PHRF1: variants seen among roughly 807,000 people sequenced by gnomAD.
The protein encoded by PHRF1 is PHD and ring finger domains 1, also known as PHD and RING finger domain-containing protein 1.
Under a neutral mutation model 128.9 loss-of-function variants are expected in PHRF1, and 53 were observed. That is an observed-to-expected ratio of 0.41 (90% confidence interval 0.33 to 0.52). The LOEUF is 0.52. Ranked by LOEUF, PHRF1 falls within the 20% of genes least tolerant of loss-of-function variation. The pLI is 0.21. For synonymous variants in PHRF1, 1,178 were observed against 980.6 expected, an observed-to-expected ratio of 1.20 and a Z score of -3.76; for missense variants, 2,503 against 2,284.5, an observed-to-expected ratio of 1.10 and a Z score of -1.95.
chr11:597,604 C>A lies in PHRF1; in HGVS notation c.894+34C>A, dbSNP rs764473378. The A allele has an allele frequency of 1.9e-5, 30 of 1,584,208 alleles. No individual in the cohort carries two copies. Among genetic ancestry groups the A allele is most frequent in the Non-Finnish European group, 2.6e-5 (30 of 1,166,958 alleles). On this transcript the variant is annotated intron_variant, in intron 8 of 17. Transcript: ENST00000264555. The surrounding 1 kb of genome is among the most constrained non-coding windows in gnomAD (Gnocchi z 6.5). ...CCCAGCCCTGACGCCAGTCGTAGAA[C>A]CCCAGCTGCCCAGAGTGATCTCGGC... is the stretch of plus-strand genomic sequence containing the variant.
At chr11:578,346 G>T (rs1489777877) in intron 1 of PHRF1, among the ~76,000 whole-genome samples, 1 of 152,226 alleles carries the variant, frequency 6.6e-6, no homozygotes, top group African/African-American at 2.4e-5. Flanking sequence ...TGCTGCTGTG[G>T]TGGAGGAGTG....
rs2133069714 is a variant in PHRF1 at position 607,468 on chromosome 11, C to T, written c.2012C>T (p.Pro671Leu). 1.2e-6 allele frequency: 2 copies of T among 1,612,810 alleles called. No individual in the cohort carries two copies. Among genetic ancestry groups the T allele is most frequent in the Non-Finnish European group, 8.5e-7 (1 of 1,179,872 alleles). Residue 671 changes from proline to leucine, a missense_variant, in exon 14 of 18, where the codon CCC becomes CTC. Pro to Leu is a moderately conservative substitution (Grantham distance 98). Coordinates refer to ENST00000264555, the MANE Select transcript of PHRF1 (RefSeq NM_001286581.2). ...VVPGPPLKPA[P>L]RRTDISELPR... ...CCGGGGCCTCCCCTGAAGCCAGCGC[C>T]CAGAAGAACAGACATCTCTGAGCTA... is the stretch of plus-strand genomic sequence containing the variant.
At chr11:599,558 C>T (rs1025127476) in intron 9 of PHRF1, among the ~76,000 whole-genome samples, 25 of 152,024 alleles carry the variant, frequency 1.6e-4, no homozygotes, top group African/African-American at 9.7e-5. Context: ...TGGCCTGAAG[C>T]GTACGTGCTT....
rs373913435 is a variant in PHRF1, at chr11:608,811, C to G, written c.3355C>G (p.Arg1119Gly). Residue 1119 changes from arginine to glycine, a missense_variant, in exon 14 of 18, where the codon CGG becomes GGG. Physicochemically the swap from Arg to Gly is moderately radical, Grantham distance 125. Coordinates refer to ENST00000264555, the MANE Select transcript of PHRF1 (RefSeq NM_001286581.2). ...GAAAAGGAGATCAGCGTCCAGACCT[C>G]GGGGAAGGGAGTGCTCCCCCACCAG... ...KKKRRSASRP[R>G]GRECSPTSSL... The G allele has an allele frequency of 6.2e-7, 1 of 1,611,968 alleles. No homozygotes were observed.
At position 608,403 on chromosome 11, in the gene PHRF1, A is replaced by G. The variant is rs975029968; in HGVS notation, c.2947A>G (p.Arg983Gly). 2 of 1,611,566 alleles carry G rather than the reference A, an allele frequency of 1.2e-6. No individual in the cohort carries two copies. Among genetic ancestry groups the G allele is most frequent in the East Asian group, 2.2e-5 (1 of 44,854 alleles). ...SPDVLQAATH[R>G]VVELRPPSRS... ...GGACGTGCTGCAGGCTGCCACCCAC[A>G]GAGTCGTGGAGCTCAGGCCCCCTTC... Residue 983 changes from arginine to glycine, a missense_variant, in exon 14 of 18, where the codon AGA (arginine) becomes GGA (glycine). Transcript: ENST00000264555.
rs1589902509 is a variant in PHRF1, at chr11:608,385, C to A, written c.2929C>A (p.Leu977Met). Residue 977 changes from leucine (L) to methionine (M), a missense_variant, in exon 14 of 18, where the codon CTG (leucine) becomes ATG (methionine). Physicochemically the swap from Leu to Met is conservative, Grantham distance 15. Coordinates refer to ENST00000264555, the MANE Select transcript of PHRF1 (RefSeq NM_001286581.2). ...GGAAGCCCCACCCAGCCCGGACGTGCTGCAGGCTGCCACCCACAGAGTCGT... is the reference window on the plus strand; with the variant it reads ...GGAAGCCCCACCCAGCCCGGACGTGATGCAGGCTGCCACCCACAGAGTCGT... ...EPEAPPSPDVLQAATHRVVEL... is the reference protein window; with the variant it reads ...EPEAPPSPDVMQAATHRVVEL... 1.2e-6 allele frequency: 2 copies of A among 1,611,610 alleles called. No homozygotes were observed. Among genetic ancestry groups the A allele is most frequent in the South Asian group, 1.1e-5 (1 of 90,962 alleles).
rs1162130055 is a variant in PHRF1 at position 607,474 on chromosome 11, G to A, written c.2018G>A (p.Arg673Lys). The part of the protein sequence containing the change: ...PGPPLKPAPR[R>K]TDISELPRIP... ...CCTCCCCTGAAGCCAGCGCCCAGAAGAACAGACATCTCTGAGCTACCCAGG... is the reference window on the plus strand; with the variant it reads ...CCTCCCCTGAAGCCAGCGCCCAGAAAAACAGACATCTCTGAGCTACCCAGG... The change falls in exon 14 of 18, where the codon AGA becomes AAA. Residue 673 changes from arginine to lysine, a missense_variant. Arg to Lys is a conservative substitution (Grantham distance 26). Coordinates refer to ENST00000264555, the MANE Select transcript of PHRF1 (RefSeq NM_001286581.2). 3.1e-6 allele frequency: 5 copies of A among 1,612,868 alleles called. No individual in the cohort carries two copies. The highest frequency in any genetic ancestry group is 4.2e-6 in the Non-Finnish European group (5 of 1,179,882).
intron 6 of PHRF1, 85 bp downstream of exon 6, chr11:592,759 T>A: frequency 7.0e-7 from 1 of 1,436,872 alleles, no homozygotes. Flanking sequence ...CTCTTCGCTC[T>A]GTGAAGTCTG....
In PHRF1 at chr11:607,231, CCGCCCG is replaced by C. The variant is rs770373733; in HGVS notation, c.1777_1782del (p.Ala593_Arg594del). 1 of 1,612,352 alleles carries C rather than the reference CCGCCCG, an allele frequency of 6.2e-7. No homozygotes were observed. The highest frequency in any genetic ancestry group is 1.1e-5 in the South Asian group (1 of 91,062). On this transcript the variant is annotated inframe_deletion, in exon 14 of 18. Coordinates refer to ENST00000264555, the MANE Select transcript of PHRF1 (RefSeq NM_001286581.2). The stretch of plus-strand genomic sequence containing the variant: ...AGCTGTCAAGGCAGGTCCCGCACCC[CCGCCCG>C]CACCGCGGGGGCGCCTGTGAGGCTG...
intron 4 of PHRF1, among the ~76,000 whole-genome samples, chr11:589,007 G>A (rs1342797019): frequency 2.0e-5 from 3 of 151,874 alleles, no homozygotes; most frequent in African/African-American, 4.8e-5. Flanking sequence ...GTGGTACCAC[G>A]TACCTGTAGT....
At chr11:581,705 A>T in intron 2 of PHRF1, 99 bp downstream of exon 2, 1 of 1,208,220 alleles carries the variant, frequency 8.3e-7, no homozygotes, top group Middle Eastern at 2.2e-4. Context: ...GTCAACTTTC[A>T]GTCTAAAAAA....
intron 3 of PHRF1, among the ~76,000 whole-genome samples, chr11:583,471 C>T (rs769835880): frequency 1.3e-5 from 2 of 150,624 alleles, no homozygotes; most frequent in Admixed American, 6.6e-5. Flanking sequence ...GAGCTGAGAT[C>T]ACGCCACCAC....
In PHRF1 at chr11:591,407, T is replaced by C. The variant is rs2132939959; in HGVS notation, c.444T>C (p.Asp148=). The C allele has an allele frequency of 6.2e-7, 1 of 1,610,232 alleles. No individual in the cohort carries two copies. The highest frequency in any genetic ancestry group is 8.5e-7 in the Non-Finnish European group (1 of 1,178,426). ...WSKNANSCPV[D]RTLFKCICIR... is the part of the protein sequence containing the mutation. ...AGAATGCCAATTCCTGTCCAGTTGATCGAACTCTATTTAAGTGCATTTGTA... is the reference window on the plus strand; with the variant it reads ...AGAATGCCAATTCCTGTCCAGTTGACCGAACTCTATTTAAGTGCATTTGTA... The change falls in exon 5 of 18, where the codon GAT becomes GAC. Residue 148 remains aspartate, a synonymous_variant. Transcript: ENST00000264555.
At chr11:582,161 T>TGAGA (rs1854245838) in intron 3 of PHRF1, 80 bp downstream of exon 3, 2 of 1,539,620 alleles carry the variant, frequency 1.3e-6, no homozygotes, top group Admixed American at 4.1e-5. Context: ...ACATCCTCCG[T>TGAGA]GAGAGTGCTG....
At chr11:601,330 G>A (rs1205476948) in intron 9 of PHRF1, among the ~76,000 whole-genome samples, 1 of 152,004 alleles carries the variant, frequency 6.6e-6, no homozygotes, top group Non-Finnish European at 1.5e-5. Context: ...TTGGGAGGCT[G>A]AGGCAGGAGA....
chr11:610,119 A>G (rs1856272260), intron 14 of PHRF1, 77 bp from the exon 15 acceptor site: 5 of 1,440,626 alleles, frequency 3.5e-6, no homozygotes, highest in East Asian at 2.5e-5. Context: ...GCTTTTCTGG[A>G]TTTTTCCAGC....
At chr11:610,100 G>T in intron 14 of PHRF1, 96 bp from the exon 15 acceptor site, 1 of 1,422,134 alleles carries the variant, frequency 7.0e-7, no homozygotes. Context: ...TGTGGTCCTT[G>T]CTCCTGGTGC....
chr11:607,340 C>T lies in PHRF1; in HGVS notation c.1884C>T (p.His628=). ...GTGTGCCTGGCTTCAGACAGAGCCA[C>T]AGCCCCTGGTTCAACGGCACCAACA... ...NGSVPGFRQS[H]SPWFNGTNKH... Residue 628 remains histidine (H), a synonymous_variant, in exon 14 of 18, where the codon CAC becomes CAT. Coordinates refer to ENST00000264555, the MANE Select transcript of PHRF1 (RefSeq NM_001286581.2). The T allele has an allele frequency of 6.2e-6, 10 of 1,612,760 alleles. No individual in the cohort carries two copies. Among genetic ancestry groups the T allele is most frequent in the South Asian group, 1.1e-5 (1 of 91,088 alleles).
intron 13 of PHRF1, 151 bp downstream of exon 13, chr11:606,747 T>C: frequency 8.3e-7 from 1 of 1,208,598 alleles, no homozygotes; most frequent in Non-Finnish European, 1.1e-6. Flanking sequence ...ATTTCCCTTC[T>C]TGAGCAGTTT....
Sources: gnomAD v4.1 joint callset for allele counts (sites outside exome capture counted in the v4.1 genomes callset) on GRCh38, gnomAD v4.1.1 for gene constraint, Gnocchi (gnomAD v3.1) non-coding constraint, MANE v1.5 for transcripts, NCBI Gene and HGNC (gene_info 2026-07-23, HGNC 2026-07-21) for gene names.